KIAA1328: variants seen among roughly 807,000 people sequenced by gnomAD.
KIAA1328 encodes protein hinderin.
A neutral mutation model predicts 68.1 loss-of-function variants in KIAA1328; 52 were observed. That is an observed-to-expected ratio of 0.76 (90% CI 0.61 to 0.96). KIAA1328 has a LOEUF of 0.96. KIAA1328 is among the 40% of genes least tolerant of loss of function. The probability of loss-of-function intolerance (pLI) is 0.00; values close to 1 mark genes in which losing one functional copy is unlikely to be tolerated. For synonymous variants in KIAA1328, 232 were observed against 239.4 expected, an observed-to-expected ratio of 0.97 and a Z score of 0.28; for missense variants, 641 against 677.6, an observed-to-expected ratio of 0.95 and a Z score of 0.60.
At chr18:37,143,746 C>CT (rs1272017450) in intron 7 of KIAA1328, among the ~76,000 whole-genome samples, 1 of 151,838 alleles carries the variant, frequency 6.6e-6, no homozygotes, top group Non-Finnish European at 1.5e-5. Context: ...TTAATCATAA[C>CT]TTTATCAAAT....
intron 6 of KIAA1328, among the ~76,000 whole-genome samples, chr18:36,963,074 A>G (rs1038003153): frequency 6.6e-6 from 1 of 152,228 alleles, no homozygotes; most frequent in Non-Finnish European, 1.5e-5. Flanking sequence ...TAGCCAAAGT[A>G]TAAATGGTTT....
At chr18:37,160,107 G>A (rs2059245127) in intron 7 of KIAA1328, 93 bp from the exon 8 acceptor site, 1 of 911,372 alleles carries the variant, frequency 1.1e-6, no homozygotes, top group Non-Finnish European at 1.6e-6. Flanking sequence ...AGTTCTTAAT[G>A]AATTGCATTT....
chr18:37,075,127 G>A (rs949960347), intron 7 of KIAA1328: 17 of 131,962 alleles, frequency 1.3e-4, no homozygotes, highest in Admixed American at 2.4e-4. Context: ...GACTAACAGC[G>A]GATCTCTTGG....
chr18:37,190,927 A>C (rs937611613), intron 9 of KIAA1328, among the ~76,000 whole-genome samples: 1 of 152,186 alleles, frequency 6.6e-6, no homozygotes, highest in African/African-American at 2.4e-5. Context: ...AAATTCTTTC[A>C]AAGTGGGATA....
chr18:37,210,901 T>C (rs1318105323), intron 9 of KIAA1328, among the ~76,000 whole-genome samples: 1 of 152,156 alleles, frequency 6.6e-6, no homozygotes, highest in African/African-American at 2.4e-5. Context: ...AATAAACTTA[T>C]TGAACAAAAT....
In KIAA1328 at chr18:36,969,563, A is replaced by G. The variant is rs141800195; in HGVS notation, c.576+10128A>G. Among the ~76,000 whole-genome samples the G allele has an allele frequency of 2.8e-3, 427 of 152,244 alleles. 3 individuals are homozygous for G. The highest frequency in any genetic ancestry group is 9.8e-3 in the African/African-American group (408 of 41,550). Reference sequence around the variant, plus strand: ...AAGAAATTGATAAATTTCTGGGTACATACACTCTCCCAAGGCTGAACCAGG... The same window carrying G: ...AAGAAATTGATAAATTTCTGGGTACGTACACTCTCCCAAGGCTGAACCAGG... On this transcript the variant is annotated intron_variant, in intron 6 of 9. Transcript: ENST00000280020.
At chr18:37,029,953 AG>A (rs2054755619) in intron 6 of KIAA1328, among the ~76,000 whole-genome samples, 1 of 152,170 alleles carries the variant, frequency 6.6e-6, no homozygotes, top group African/African-American at 2.4e-5. Flanking sequence ...CTGTCTTTCA[AG>A]GAATTTGTCC....
chr18:37,106,299 AT>A lies in KIAA1328; in HGVS notation c.1232+38756del, dbSNP rs1443928109. Among the ~76,000 whole-genome samples, 11 of 152,308 alleles carry A rather than the reference AT, an allele frequency of 7.2e-5. No homozygotes were observed. The East Asian group carries it at 2.1e-3, about 29-fold the overall frequency. On this transcript the variant is annotated intron_variant, in intron 7 of 9. Coordinates refer to ENST00000280020, the MANE Select transcript of KIAA1328 (RefSeq NM_020776.3). ...GCTAATACAGAGATAAAGGAAGTAT[AT>A]TAGTGATTGCCTAGTGCTGGAAGTG...
intron 6 of KIAA1328, among the ~76,000 whole-genome samples, chr18:37,020,707 C>T (rs547158210): frequency 3.9e-5 from 6 of 152,226 alleles, no homozygotes; most frequent in African/African-American, 1.4e-4. Context: ...CATTGCTTTC[C>T]AGAAGGTGTA....
chr18:36,891,469 C>A (rs906125428), intron 5 of KIAA1328, among the ~76,000 whole-genome samples: 3 of 152,142 alleles, frequency 2.0e-5, no homozygotes, highest in Admixed American at 6.5e-5. Context: ...ACTCTTCCCC[C>A]CTCTGCTGAG....
At chr18:37,070,259 G>A (rs1411056772) in intron 7 of KIAA1328, among the ~76,000 whole-genome samples, 1 of 152,080 alleles carries the variant, frequency 6.6e-6, no homozygotes, top group Non-Finnish European at 1.5e-5. Flanking sequence ...CTTGATATAT[G>A]TTCCATGATG....
At chr18:37,062,314 C>G (rs1251640878) in intron 6 of KIAA1328, among the ~76,000 whole-genome samples, 1 of 152,162 alleles carries the variant, frequency 6.6e-6, no homozygotes, top group Non-Finnish European at 1.5e-5. Flanking sequence ...ACAATGTTCT[C>G]CTTGAAAGAA....
chr18:37,083,545 G>A (rs1207760938), intron 7 of KIAA1328, among the ~76,000 whole-genome samples: 17 of 152,198 alleles, frequency 1.1e-4, no homozygotes, highest in Admixed American at 1.1e-3. Context: ...TTTTGGCTGA[G>A]TTTTTCCATG....
intron 5 of KIAA1328, among the ~76,000 whole-genome samples, chr18:36,926,383 CTATTTATTTATT>C (rs72299711): frequency 2.2e-4 from 32 of 147,116 alleles, no homozygotes; most frequent in African/African-American, 3.2e-4. Flanking sequence ...CTCTCTCTCT[CTATTTATTTATT>C]TATTTATTTA....
At chr18:37,092,556 C>T (rs1295936648) in intron 7 of KIAA1328, among the ~76,000 whole-genome samples, 1 of 152,030 alleles carries the variant, frequency 6.6e-6, no homozygotes, top group Non-Finnish European at 1.5e-5. Context: ...GCTCTCTTTG[C>T]CTACTGCCAC....
chr18:37,107,316 G>A (rs1438008066), intron 7 of KIAA1328, among the ~76,000 whole-genome samples: 1 of 152,178 alleles, frequency 6.6e-6, no homozygotes, highest in Non-Finnish European at 1.5e-5. Context: ...TAATAGATAT[G>A]ATAAAACAAA....
chr18:37,043,991 A>G (rs1466947928), intron 6 of KIAA1328, among the ~76,000 whole-genome samples: 1 of 152,214 alleles, frequency 6.6e-6, no homozygotes, highest in Non-Finnish European at 1.5e-5. Context: ...CACAGGGTTT[A>G]TGGAGGAAAG....
At chr18:37,184,429 T>C (rs979772146) in intron 9 of KIAA1328, among the ~76,000 whole-genome samples, 1 of 152,238 alleles carries the variant, frequency 6.6e-6, no homozygotes, top group Non-Finnish European at 1.5e-5. Context: ...ATATCAGATA[T>C]GCTTTGCTTA....
intron 8 of KIAA1328, among the ~76,000 whole-genome samples, chr18:37,167,259 T>C (rs1221899142): frequency 6.6e-6 from 1 of 152,164 alleles, no homozygotes; most frequent in Non-Finnish European, 1.5e-5. Context: ...TGTGCCCTTT[T>C]AGTTTTGCCG....
Sources: allele counts gnomAD v4.1 joint callset (sites outside exome capture counted in the v4.1 genomes callset), GRCh38; gene constraint gnomAD v4.1.1; transcripts MANE v1.5; gene names NCBI Gene and HGNC (gene_info 2026-07-23, HGNC 2026-07-21).